Variants in NEBL observed in about 807,000 individuals in gnomAD.
The protein encoded by NEBL is nebulette.
NEBL carries 122 observed loss-of-function variants against 140.2 expected under a neutral mutation model. That is an observed-to-expected ratio of 0.87 (90% CI 0.75 to 1.01). The LOEUF (loss-of-function observed/expected upper bound fraction) is 1.01, where lower values mean the gene tolerates loss of function less well. Ranked by LOEUF, NEBL falls within the 50% of genes least tolerant of loss-of-function variation. The pLI, the probability that NEBL is intolerant of heterozygous loss-of-function variation, is 0.00. For missense variants in NEBL, 1,365 were observed against 1,231.3 expected, an observed-to-expected ratio of 1.11 and a Z score of -1.62; for synonymous variants, 436 against 398.9, an observed-to-expected ratio of 1.09 and a Z score of -1.11.
At chr10:20,954,721 C>G (rs1025385641) in intron 4 of NEBL, among the ~76,000 whole-genome samples, 2 of 152,204 alleles carry the variant, frequency 1.3e-5, no homozygotes, top group African/African-American at 4.8e-5. Context: ...CCCACCACCA[C>G]CCCGCCCCCT....
chr10:20,790,406 C>T (rs1835849918), intron 26 of NEBL, among the ~76,000 whole-genome samples: 3 of 151,728 alleles, frequency 2.0e-5, no homozygotes, highest in African/African-American at 7.3e-5. Context: ...AGTTCAAGAC[C>T]AGCCTAGCCA....
chr10:20,825,143 C>T (rs150326806), intron 18 of NEBL, among the ~76,000 whole-genome samples: 5 of 152,238 alleles, frequency 3.3e-5, no homozygotes, highest in African/African-American at 1.2e-4. Context: ...GTATACTTTA[C>T]TATTGCATTC....
In NEBL at chr10:20,815,621, T is replaced by C. The variant is rs1452978032; in HGVS notation, c.2241+4A>G. The stretch of plus-strand genomic sequence containing the variant: ...GATAGTCTAAAATGAAGAAAACCAC[T>C]TGCCGAGCTAATATTTTCTTGATTC... On this transcript the variant is annotated splice_donor_region_variant and intron_variant, in intron 22 of 27. Transcript: ENST00000377122. The C allele has an allele frequency of 6.3e-7, 1 of 1,595,542 alleles. No individual in the cohort carries two copies. The highest frequency in any genetic ancestry group is 1.7e-5 in the Admixed American group (1 of 59,974).
chr10:20,890,598 T>C (rs1846948420), intron 2 of NEBL, among the ~76,000 whole-genome samples: 2 of 152,140 alleles, frequency 1.3e-5, no homozygotes, highest in African/African-American at 4.8e-5. Flanking sequence ...GTGGTGGAGA[T>C]CATTCCAGAA....
chr10:20,814,646 T>C (rs1838542252), intron 22 of NEBL, among the ~76,000 whole-genome samples: 1 of 102,988 alleles, frequency 9.7e-6, no homozygotes, highest in Non-Finnish European at 1.9e-5. Context: ...ACACAACTGG[T>C]TATCATATTT....
chr10:21,216,262 TG>T (rs1841991711), intron 3 of NEBL, among the ~76,000 whole-genome samples: 5 of 152,178 alleles, frequency 3.3e-5, no homozygotes, highest in African/African-American at 1.2e-4. Context: ...CATATCCAAG[TG>T]CCTGTGGCTA....
intron 3 of NEBL, among the ~76,000 whole-genome samples, chr10:20,999,396 A>G (rs1419734265): frequency 6.6e-6 from 1 of 152,162 alleles, no homozygotes; most frequent in African/African-American, 2.4e-5. Flanking sequence ...CAGGAGTTCA[A>G]GACAAGTCTG....
intron 5 of NEBL, among the ~76,000 whole-genome samples, chr10:20,875,818 G>T (rs788950): frequency 0.96 from 146,626 of 152,282 alleles, 70,778 homozygotes; most frequent in Middle Eastern, 1. Flanking sequence ...CCAGAACCCT[G>T]TGAAGGTTAA....
At chr10:20,858,070 G>A (rs1274279039) in intron 9 of NEBL, among the ~76,000 whole-genome samples, 170 bp downstream of exon 9, 1 of 152,042 alleles carries the variant, frequency 6.6e-6, no homozygotes, top group African/African-American at 2.4e-5. Context: ...CAAAGTGACA[G>A]CTCTGGTGGG....
chr10:21,077,959 C>T (rs935209775), intron 2 of NEBL, among the ~76,000 whole-genome samples: 1 of 152,150 alleles, frequency 6.6e-6, no homozygotes, highest in African/African-American at 2.4e-5. Context: ...CATATCAAGT[C>T]CGATGGATAC....
At chr10:21,221,787 G>T (rs1842071065) in intron 3 of NEBL, among the ~76,000 whole-genome samples, 1 of 152,154 alleles carries the variant, frequency 6.6e-6, no homozygotes, top group Non-Finnish European at 1.5e-5. Flanking sequence ...TTACAGGCAT[G>T]ATTTCTTTTC....
chr10:20,802,000 G>A (rs992761956), intron 26 of NEBL, among the ~76,000 whole-genome samples: 5 of 152,158 alleles, frequency 3.3e-5, no homozygotes, highest in African/African-American at 1.2e-4. Flanking sequence ...ATTTTGAAAA[G>A]TGCATCTGTT....
Position 20,796,955 on chromosome 10 carries a change from A to C in NEBL, c.2762-9647T>G, listed in dbSNP as rs533215556. 7.2e-5 allele frequency among the ~76,000 whole-genome samples: 11 copies of C among 152,356 alleles called. No individual in the cohort carries two copies. The East Asian group carries it at 1.5e-3, about 21-fold the overall frequency. On this transcript the variant is annotated intron_variant, in intron 26 of 27. Transcript: ENST00000377122. ...AAACAAGACAGAAAGAAAAGAAAGG[A>C]ATGTACAGTGCAGACACATATGTAG...
At chr10:21,066,906 C>T (rs537296215) in intron 2 of NEBL, among the ~76,000 whole-genome samples, 2 of 151,824 alleles carry the variant, frequency 1.3e-5, no homozygotes, top group African/African-American at 4.8e-5. Flanking sequence ...TTCAGTTGCT[C>T]CATCTCATAG....
intron 3 of NEBL, among the ~76,000 whole-genome samples, chr10:21,226,409 A>G (rs1288709518): frequency 6.6e-6 from 1 of 152,098 alleles, no homozygotes; most frequent in Non-Finnish European, 1.5e-5. Context: ...CACATGCCCC[A>G]AAGTCCATTG....
chr10:20,961,865 G>A, intron 3 of NEBL: 1 of 970,642 alleles, frequency 1.0e-6, no homozygotes, highest in South Asian at 1.3e-5. Flanking sequence ...TGCTGGAATT[G>A]GAAACAATGG....
chr10:21,146,412 C>A, intron 2 of NEBL: 1 of 1,056,968 alleles, frequency 9.5e-7, no homozygotes, highest in East Asian at 5.2e-5. Flanking sequence ...AAAGCACAAA[C>A]ACTCTCTCTC....
chr10:21,129,544 C>G (rs1404611001), intron 2 of NEBL, among the ~76,000 whole-genome samples: 5 of 151,912 alleles, frequency 3.3e-5, no homozygotes, highest in African/African-American at 1.2e-4. Flanking sequence ...TACAGGCACA[C>G]TCATATATGC....
intron 17 of NEBL, among the ~76,000 whole-genome samples, chr10:20,827,588 A>G (rs538718997): frequency 6.6e-6 from 1 of 152,220 alleles, no homozygotes; most frequent in Non-Finnish European, 1.5e-5. Flanking sequence ...ACAGAAGTCA[A>G]GTTTATACAT....
Sources: gnomAD v4.1 joint callset for allele counts (sites outside exome capture counted in the v4.1 genomes callset) on GRCh38, gnomAD v4.1.1 for gene constraint, MANE v1.5 for transcripts, NCBI Gene and HGNC (gene_info 2026-07-23, HGNC 2026-07-21) for gene names.